Variants in ABCB4 observed in about 807,000 individuals in gnomAD.
The protein encoded by ABCB4 is ATP binding cassette subfamily B member 4, also known as phosphatidylcholine translocator ABCB4.
Under a neutral mutation model 145.7 loss-of-function variants are expected in ABCB4, and 76 were observed. The ratio of observed to expected loss-of-function variants is 0.52; its 90% CI spans 0.43 to 0.63. The LOEUF is 0.63. ABCB4 is among the 30% of genes least tolerant of loss of function. ABCB4 has a pLI of 0.00. For missense variants in ABCB4, 1,234 were observed against 1,553.1 expected, an observed-to-expected ratio of 0.79 and a Z score of 3.45; for synonymous variants, 517 against 566.8, an observed-to-expected ratio of 0.91 and a Z score of 1.25.
rs190524488 is a variant in ABCB4 at position 87,429,961 on chromosome 7, T to A, written c.1893+1443A>T. On this transcript the variant is annotated intron_variant, in intron 15 of 27. Transcript: ENST00000649586. ...GCTTTTTAAAAATATAATTAACATA[T>A]CACAAAATCCACCCTTTTAAACATT... Among the ~76,000 whole-genome samples the A allele has an allele frequency of 1.4e-3, 220 of 151,762 alleles. 1 individual carries two copies. The highest frequency in any genetic ancestry group is 2.7e-3 in the Non-Finnish European group (180 of 67,904).
chr7:87,398,827 T>C (rs1439623225), downstream of ABCB4: 4 of 610,484 alleles, frequency 6.6e-6, no homozygotes, highest in African/African-American at 7.4e-5. Context: ...CCATAGAAGG[T>C]AGAAATATTT....
chr7:87,382,055 A>C, the ABCB4 span: 1 of 1,582,936 alleles, frequency 6.3e-7, no homozygotes, highest in South Asian at 1.1e-5. Context: ...AAATATTTTT[A>C]AGTCTTCCCT....
At chr7:87,430,533 T>C (rs964571796) in intron 15 of ABCB4, among the ~76,000 whole-genome samples, 2 of 152,156 alleles carry the variant, frequency 1.3e-5, no homozygotes, top group Admixed American at 1.3e-4. Context: ...CTTTTCTTTC[T>C]TTTTTCTCTG....
intron 2 of ABCB4, among the ~76,000 whole-genome samples, chr7:87,474,402 C>T (rs1355061551): frequency 1.3e-5 from 2 of 152,130 alleles, no homozygotes; most frequent in Non-Finnish European, 2.9e-5. Flanking sequence ...TACAATGGTG[C>T]TTAGAAGAAA....
chr7:87,420,052 G>A lies in ABCB4; in HGVS notation c.2340C>T (p.Gly780=), dbSNP rs148865252. Residue 780 remains glycine, a synonymous_variant, in exon 19 of 28, where the codon GGC becomes GGT. Coordinates refer to ENST00000649586, the MANE Select transcript of ABCB4 (RefSeq NM_000443.4). ...ACCGCAGTCTTCTGGTGAGGATCTC[G>A]CCAGCTTTCCCAAACGTGAAACCCT... The part of the protein sequence containing the change: ...FLQGFTFGKA[G]EILTRRLRSM... 5.1e-5 allele frequency: 83 copies of A among 1,614,052 alleles called. No individual in the cohort carries two copies. Among genetic ancestry groups the A allele is most frequent in the African/African-American group, 4.0e-4 (30 of 75,028 alleles).
intron 1 of ABCB4, 63 bp downstream of exon 1, chr7:87,475,571 C>A: frequency 8.6e-7 from 1 of 1,160,686 alleles, no homozygotes; most frequent in East Asian, 2.5e-5. Context: ...TCCGGCCACT[C>A]CCGCCCCGCG....
the ABCB4 span, among the ~76,000 whole-genome samples, chr7:87,370,030 A>T: frequency 2.6e-5 from 4 of 151,834 alleles, no homozygotes; most frequent in Non-Finnish European, 4.4e-5. Context: ...TTTCAACTAT[A>T]CCTCTTTTAC....
chr7:87,446,634 G>T (rs1197860099), intron 9 of ABCB4, among the ~76,000 whole-genome samples: 1 of 152,160 alleles, frequency 6.6e-6, no homozygotes, highest in Non-Finnish European at 1.5e-5. Flanking sequence ...TCAGAGAGCT[G>T]ATTGTTTTAA....
chr7:87,436,900 C>T (rs1249179665), intron 14 of ABCB4, among the ~76,000 whole-genome samples: 1 of 152,138 alleles, frequency 6.6e-6, no homozygotes, highest in African/African-American at 2.4e-5. Context: ...TTTCATAGGT[C>T]TGTGGGTCAA....
the ABCB4 span, among the ~76,000 whole-genome samples, chr7:87,386,732 G>T: frequency 6.6e-6 from 1 of 152,096 alleles, no homozygotes; most frequent in East Asian, 1.9e-4. Context: ...CATGGAGCGT[G>T]CTTCCTACAC....
intron 25 of ABCB4, 115 bp downstream of exon 25, chr7:87,407,922 C>A: frequency 7.5e-7 from 1 of 1,339,116 alleles, no homozygotes; most frequent in Non-Finnish European, 1.1e-6. Flanking sequence ...AGAATGTGGT[C>A]ATTGTATCAA....
the ABCB4 span, among the ~76,000 whole-genome samples, chr7:87,395,270 G>GTTT: frequency 1.3e-5 from 2 of 151,858 alleles, no homozygotes; most frequent in East Asian, 1.9e-4. Context: ...GTCTTTTCAG[G>GTTT]TTTTTCTGCC....
intron 3 of ABCB4, among the ~76,000 whole-genome samples, chr7:87,472,200 T>C (rs550052036): frequency 1.4e-4 from 22 of 152,158 alleles, no homozygotes; most frequent in African/African-American, 5.3e-4. Flanking sequence ...GACAATTTAT[T>C]GCTGTCTGCA....
At chr7:87,429,781 C>T (rs900908688) in intron 15 of ABCB4, among the ~76,000 whole-genome samples, 3 of 152,136 alleles carry the variant, frequency 2.0e-5, no homozygotes, top group African/African-American at 7.2e-5. Flanking sequence ...CACTGTAGAA[C>T]ACCCTCTGGC....
At chr7:87,458,987 TAA>T (rs77823347) in intron 4 of ABCB4, among the ~76,000 whole-genome samples, 37 of 120,584 alleles carry the variant, frequency 3.1e-4, no homozygotes, top group Admixed American at 6.0e-4. Context: ...AGGCACAAGT[TAA>T]AAAAAAAAAA....
At chr7:87,393,291 C>CCTTAGGTGTCTTTA in the ABCB4 span, among the ~76,000 whole-genome samples, 10 of 152,226 alleles carry the variant, frequency 6.6e-5, no homozygotes, top group African/African-American at 2.4e-4. Flanking sequence ...ATGCAGAACA[C>CCTTAGGTGTCTTTA]TGTTTCAAGT....
Position 87,462,753 on chromosome 7 carries a change from C to T in ABCB4, c.286+5G>A. ...GATTTTTTTAAAAGGTAAAGAAATGCTTACCTGGAAAGGAGAAGTTTCCTG... is the reference window on the plus strand; with the variant it reads ...GATTTTTTTAAAAGGTAAAGAAATGTTTACCTGGAAAGGAGAAGTTTCCTG... On this transcript the variant is annotated splice_donor_5th_base_variant and intron_variant, in intron 4 of 27. Coordinates refer to ENST00000649586, the MANE Select transcript of ABCB4 (RefSeq NM_000443.4). The T allele has an allele frequency of 6.2e-7, 1 of 1,613,624 alleles. No homozygotes were observed. The highest frequency in any genetic ancestry group is 8.5e-7 in the Non-Finnish European group (1 of 1,179,706).
intron 14 of ABCB4, among the ~76,000 whole-genome samples, chr7:87,434,607 G>A (rs546971558): frequency 6.6e-6 from 1 of 152,122 alleles, no homozygotes; most frequent in Non-Finnish European, 1.5e-5. Flanking sequence ...AATTAGCTGG[G>A]CGTGGTTGCA....
chr7:87,409,424 CTT>C, intron 23 of ABCB4, 32 bp from the exon 24 acceptor site: 1 of 1,610,234 alleles, frequency 6.2e-7, no homozygotes, highest in Non-Finnish European at 8.5e-7. Flanking sequence ...CAAAAATTAG[CTT>C]TTATAATTAA....
Sources: gnomAD v4.1 joint callset for allele counts (sites outside exome capture counted in the v4.1 genomes callset) on GRCh38, gnomAD v4.1.1 for gene constraint, MANE v1.5 for transcripts, NCBI Gene and HGNC (gene_info 2026-07-23, HGNC 2026-07-21) for gene names.